NRROS: variants seen among roughly 807,000 people sequenced by gnomAD.
NRROS encodes negative regulator of reactive oxygen species, also known as transforming growth factor beta activator LRRC33.
In NRROS, 6 loss-of-function variants were observed where a neutral mutation model predicts 12.0. The observed-to-expected ratio is 0.50, with a 90% CI of 0.27 to 0.98. NRROS has a LOEUF of 0.98. Among genes scored for constraint, NRROS ranks in the 50% least tolerant of loss-of-function variants. NRROS has a pLI of 0.11. For synonymous variants in NRROS, 462 were observed against 410.2 expected (o/e 1.13, Z -1.53); for missense variants, 857 against 888.2 (o/e 0.96, Z 0.45).
chr3:196,643,847 G>A (rs972304088), intron 1 of NRROS, among the ~76,000 whole-genome samples: 98 of 152,236 alleles, frequency 6.4e-4, no homozygotes, highest in African/African-American at 2.3e-3. Flanking sequence ...CACCAAGGCT[G>A]AGCCCTTTCC....
chr3:196,658,472 T>C (rs1215982575), intron 2 of NRROS, among the ~76,000 whole-genome samples: 1 of 152,164 alleles, frequency 6.6e-6, no homozygotes, highest in Non-Finnish European at 1.5e-5. Context: ...CCACTGCTAG[T>C]GGTGGTAGAG....
Position 196,660,685 on chromosome 3 carries a change from C to T in NRROS, c.1042C>T (p.Leu348=). The change falls in exon 3 of 3, where the codon CTG becomes TTG. Residue 348 remains leucine, a synonymous_variant. Transcript: ENST00000328557. The surrounding 1 kb of genome is among the most constrained non-coding windows in gnomAD (Gnocchi z 7.7). Reference sequence around the variant, plus strand: ...GTTCCAGTACCTGCCAGACGGCTTCCTGAGGAAAATGCCTTCCCTCTCCCA... The same window carrying T: ...GTTCCAGTACCTGCCAGACGGCTTCTTGAGGAAAATGCCTTCCCTCTCCCA... ...NQFQYLPDGF[L]RKMPSLSHLN... is the part of the protein sequence containing the mutation. 2 of 1,614,164 alleles carry T rather than the reference C, an allele frequency of 1.2e-6. No homozygotes were observed. The highest frequency in any genetic ancestry group is 4.5e-5 in the East Asian group (2 of 44,876).
Position 196,661,152 on chromosome 3 carries a change from C to T in NRROS, c.1509C>T (p.Leu503=), listed in dbSNP as rs62636585. 1.4e-5 allele frequency: 23 copies of T among 1,612,430 alleles called. No individual in the cohort carries two copies. The highest frequency in any genetic ancestry group is 1.7e-4 in the Middle Eastern group (1 of 6,050). The change falls in exon 3 of 3, where the codon CTC becomes CTT. Residue 503 remains leucine (L), a synonymous_variant. Transcript: ENST00000328557. ...ACTGGGGGGTTCTGAATGGGAGCCT[C>T]GCCCCACTCCAGGATGTTGCCCCCA... The part of the protein sequence containing the change: ...SSNWGVLNGS[L]APLQDVAPML...
At chr3:196,653,600 G>C (rs925029823) in intron 1 of NRROS, among the ~76,000 whole-genome samples, 69 of 152,232 alleles carry the variant, frequency 4.5e-4, no homozygotes, top group African/African-American at 1.6e-3. Flanking sequence ...TCCCCAGCAG[G>C]GCAGCAGTGA....
chr3:196,649,749 C>T (rs1325294271), intron 1 of NRROS, among the ~76,000 whole-genome samples: 3 of 152,168 alleles, frequency 2.0e-5, no homozygotes, highest in African/African-American at 4.8e-5. Context: ...GGATTACAGG[C>T]GTGAGCCACT....
chr3:196,648,874 C>A (rs2108637574), intron 1 of NRROS, among the ~76,000 whole-genome samples: 1 of 152,184 alleles, frequency 6.6e-6, no homozygotes, highest in Middle Eastern at 3.4e-3. Context: ...CACCCCCAGC[C>A]CCACTCCAGC....
Position 196,659,986 on chromosome 3 carries a change from A to C in NRROS, c.343A>C (p.Asn115His), listed in dbSNP as rs149278838. The change falls in exon 3 of 3, where the codon AAC (asparagine) becomes CAC (histidine). Residue 115 changes from asparagine to histidine, a missense_variant. Transcript: ENST00000328557. ...CCTGCGCAGCCTGGTCCTGGGGGAC[A>C]ACTGCCTCTCAGAGAACTACGAAGA... is the stretch of plus-strand genomic sequence containing the variant. ...GHLRSLVLGD[N>H]CLSENYEETA... The C allele has an allele frequency of 1.9e-6, 3 of 1,613,606 alleles. No individual in the cohort carries two copies. The highest frequency in any genetic ancestry group is 2.5e-6 in the Non-Finnish European group (3 of 1,179,842).
chr3:196,657,632 G>A (rs4912586), intron 2 of NRROS, among the ~76,000 whole-genome samples: 7 of 150,972 alleles, frequency 4.6e-5, no homozygotes, highest in Admixed American at 2.0e-4. Flanking sequence ...GCTTGAACCC[G>A]GCAGGCAGAG....
At chr3:196,653,633 A>T (rs1737476411) in intron 1 of NRROS, among the ~76,000 whole-genome samples, 1 of 152,214 alleles carries the variant, frequency 6.6e-6, no homozygotes, top group Non-Finnish European at 1.5e-5. Flanking sequence ...TGCTGGGAGA[A>T]ACTGCCCTGC....
At chr3:196,655,600 T>G (rs1336046429) in intron 2 of NRROS, among the ~76,000 whole-genome samples, 1 of 152,110 alleles carries the variant, frequency 6.6e-6, no homozygotes, top group African/African-American at 2.4e-5. Flanking sequence ...TATGAGAATC[T>G]CCGGGTGAGG....
Position 196,659,821 on chromosome 3 carries a change from C to G in NRROS, c.178C>G (p.Arg60Gly), listed in dbSNP as rs907304765. 1 of 1,613,934 alleles carries G rather than the reference C, an allele frequency of 6.2e-7. No homozygotes were observed. Among genetic ancestry groups the G allele is most frequent in the Non-Finnish European group, 8.5e-7 (1 of 1,179,976 alleles). The change falls in exon 3 of 3, where the codon CGG (arginine) becomes GGG (glycine). Residue 60 changes from arginine to glycine, a missense_variant. Transcript: ENST00000328557. ...GCCCAGCAGCCTCCCGCCCCACGCC[C>G]GGATGCTCACCCTGGATGCCAACCC... ...SVPSSLPPHARMLTLDANPLK... is the reference protein window; with the variant it reads ...SVPSSLPPHAGMLTLDANPLK...
Position 196,661,067 on chromosome 3 carries a change from G to T in NRROS, c.1424G>T (p.Gly475Val). The change falls in exon 3 of 3, where the codon GGG (glycine) becomes GTG (valine). Residue 475 changes from glycine to valine, a missense_variant. Transcript: ENST00000328557. ...CTGTCTCTGGAGGGCTGTGGCCTGGGGGCATTGCCAGACTGCCCATTCCAA... is the reference window on the plus strand; with the variant it reads ...CTGTCTCTGGAGGGCTGTGGCCTGGTGGCATTGCCAGACTGCCCATTCCAA... ...RSLSLEGCGL[G>V]ALPDCPFQGT... 1 of 1,614,128 alleles carries T rather than the reference G, an allele frequency of 6.2e-7. No homozygotes were observed. Among genetic ancestry groups the T allele is most frequent in the African/African-American group, 1.3e-5 (1 of 75,026 alleles).
chr3:196,643,680 A>G (rs936449761), intron 1 of NRROS, among the ~76,000 whole-genome samples: 1 of 152,222 alleles, frequency 6.6e-6, no homozygotes, highest in African/African-American at 2.4e-5. Flanking sequence ...ATGGGTACAC[A>G]TCGTGTTCTC....
chr3:196,655,310 G>A (rs551259658), intron 2 of NRROS, among the ~76,000 whole-genome samples: 5 of 150,540 alleles, frequency 3.3e-5, no homozygotes, highest in East Asian at 3.9e-4. Flanking sequence ...CAAGTCCGGC[G>A]GATCACCTGA....
At chr3:196,657,743 A>G (rs4912588) in intron 2 of NRROS, among the ~76,000 whole-genome samples, 23,495 of 150,902 alleles carry the variant, frequency 0.16, 2,076 homozygotes, top group Admixed American at 0.28. Flanking sequence ...TCTCTTCCAG[A>G]GTACTTTGTA....
chr3:196,661,328 C>A lies in NRROS; in HGVS notation c.1685C>A (p.Thr562Asn), dbSNP rs1216544488. The change falls in exon 3 of 3, where the codon ACC becomes AAC. Residue 562 changes from threonine to asparagine, a missense_variant. Transcript: ENST00000328557. ...TTTGGGGGCAGCCTGGCCCTGGAGACCCTGGATCTCCGTAGAAACTCGCTC... is the reference window on the plus strand; with the variant it reads ...TTTGGGGGCAGCCTGGCCCTGGAGAACCTGGATCTCCGTAGAAACTCGCTC... ...PRFGGSLALE[T>N]LDLRRNSLTA... The A allele has an allele frequency of 2.5e-6, 4 of 1,593,706 alleles. No homozygotes were observed. Among genetic ancestry groups the A allele is most frequent in the Non-Finnish European group, 3.4e-6 (4 of 1,169,872 alleles).
chr3:196,661,229 C>T lies in NRROS; in HGVS notation c.1586C>T (p.Ala529Val), dbSNP rs536832751. ...ATGGGCCTCCACTCCAGCTTTATGGCGTTGGACTTCTCTGGGTTTGGGAAT... is the reference window on the plus strand; with the variant it reads ...ATGGGCCTCCACTCCAGCTTTATGGTGTTGGACTTCTCTGGGTTTGGGAAT... ...RNMGLHSSFM[A>V]LDFSGFGNLR... Residue 529 changes from alanine to valine, a missense_variant, in exon 3 of 3, where the codon GCG becomes GTG. Physicochemically the swap from Ala to Val is moderately conservative, Grantham distance 64. Coordinates refer to ENST00000328557, the MANE Select transcript of NRROS (RefSeq NM_198565.3). The T allele has an allele frequency of 3.0e-5, 49 of 1,613,968 alleles. No homozygotes were observed. Among genetic ancestry groups the T allele is most frequent in the Admixed American group, 5.0e-5 (3 of 59,972 alleles).
intron 2 of NRROS, among the ~76,000 whole-genome samples, chr3:196,658,928 C>T (rs1737598625): frequency 6.6e-6 from 1 of 152,174 alleles, no homozygotes; most frequent in Non-Finnish European, 1.5e-5. Flanking sequence ...TGAGATCACA[C>T]CATTGCACTC....
At chr3:196,658,769 C>A (rs1298762573) in intron 2 of NRROS, among the ~76,000 whole-genome samples, 3 of 152,160 alleles carry the variant, frequency 2.0e-5, no homozygotes, top group Admixed American at 2.0e-4. Flanking sequence ...GAGTTCGAGA[C>A]CAGCCTGGTC....
Sources: allele counts gnomAD v4.1 joint callset (sites outside exome capture counted in the v4.1 genomes callset), GRCh38; gene constraint gnomAD v4.1.1; non-coding constraint Gnocchi (gnomAD v3.1); transcripts MANE v1.5; gene names NCBI Gene and HGNC (gene_info 2026-07-23, HGNC 2026-07-21).